The following RAG1 variants were observed in gnomAD, a reference collection of about 807,000 sequenced individuals.
RAG1 encodes recombination activating 1.
In RAG1, 35 loss-of-function variants were observed where a neutral mutation model predicts 62.7. That is an observed-to-expected ratio of 0.56 (90% CI 0.43 to 0.74). The LOEUF (loss-of-function observed/expected upper bound fraction) is 0.74, where lower values mean the gene tolerates loss of function less well. RAG1 is among the 30% of genes least tolerant of loss of function. RAG1 has a pLI of 0.00. For synonymous variants in RAG1, 461 were observed against 470.3 expected, an observed-to-expected ratio of 0.98 and a Z score of 0.26; for missense variants, 1,169 against 1,278.6, an observed-to-expected ratio of 0.91 and a Z score of 1.31.
At chr11:36,515,280 C>G (rs151291410) in intron 1 of RAG1, among the ~76,000 whole-genome samples, 1 of 150,938 alleles carries the variant, frequency 6.6e-6, no homozygotes, top group African/African-American at 2.4e-5. Context: ...AATTAAAAGG[C>G]GAAAGAGGAA....
rs1185288057 is a variant in RAG1, at chr11:36,575,899, T to C, written c.2595T>C (p.Thr865=). The C allele has an allele frequency of 3.1e-6, 5 of 1,614,010 alleles. No homozygotes were observed. Among genetic ancestry groups the C allele is most frequent in the Non-Finnish European group, 3.4e-6 (4 of 1,180,032 alleles). Residue 865 remains threonine (T), a synonymous_variant, in exon 2 of 2, where the codon ACT becomes ACC. Transcript: ENST00000299440. The surrounding 1 kb of genome is among the most constrained non-coding windows in gnomAD (Gnocchi z 4.1). ...NFARKLMTKE[T]VDAVCELIPS... is the part of the protein sequence containing the mutation. ...CCAGGAAGCTCATGACCAAAGAGAC[T>C]GTGGATGCAGTTTGTGAGTTAATTC...
chr11:36,557,601 G>C (rs1012088268), intron 3 of RAG1, among the ~76,000 whole-genome samples: 3 of 152,078 alleles, frequency 2.0e-5, no homozygotes, highest in Non-Finnish European at 4.4e-5. Context: ...GCTGTAGACC[G>C]GAGCTGTTCC....
Position 36,574,210 on chromosome 11 carries a change from C to A in RAG1, c.906C>A (p.Asp302Glu), listed in dbSNP as rs4151030. Reference sequence around the variant, plus strand: ...AGATCTGTGAACACATTCTGGCTGACCCTGTGGAGACCAACTGTAAGCATG... The same window carrying A: ...AGATCTGTGAACACATTCTGGCTGAACCTGTGGAGACCAACTGTAAGCATG... ...SCQICEHILA[D>E]PVETNCKHVF... Residue 302 changes from aspartate (D) to glutamate (E), a missense_variant, in exon 2 of 2, where the codon GAC (aspartate) becomes GAA (glutamate). Coordinates refer to ENST00000299440, the MANE Select transcript of RAG1 (RefSeq NM_000448.3). 6,890 of 1,614,148 alleles carry A rather than the reference C, an allele frequency of 4.3e-3. 236 individuals carry two copies. In the African/African-American group the frequency reaches 0.078, roughly 18 times the overall value.
chr11:36,573,498 T>A lies in RAG1; in HGVS notation c.194T>A (p.Val65Asp). Residue 65 changes from valine to aspartate, a missense_variant, in exon 2 of 2, where the codon GTC becomes GAC. Coordinates refer to ENST00000299440, the MANE Select transcript of RAG1 (RefSeq NM_000448.3). ...GKPSLEQSPAVLDKADGQKPV... is the reference protein window; with the variant it reads ...GKPSLEQSPADLDKADGQKPV... ...CCCTCTCTGGAGCAATCTCCAGCAG[T>A]CCTGGACAAGGCTGATGGTCAGAAG... The A allele has an allele frequency of 1.2e-6, 2 of 1,614,160 alleles. No individual in the cohort carries two copies. The highest frequency in any genetic ancestry group is 1.7e-6 in the Non-Finnish European group (2 of 1,180,020).
exon 2 of RAG1, chr11:36,520,192 G>T (rs1860056966): frequency 6.6e-6 from 1 of 152,178 alleles, no homozygotes; most frequent in Non-Finnish European, 1.5e-5. Flanking sequence ...TTGCAGTGGG[G>T]ACGATGAGAC....
At position 36,574,838 on chromosome 11, in the gene RAG1, G is replaced by C; in HGVS notation, c.1534G>C (p.Val512Leu). 1 of 1,614,228 alleles carries C rather than the reference G, an allele frequency of 6.2e-7. No individual in the cohort carries two copies. The highest frequency in any genetic ancestry group is 8.5e-7 in the Non-Finnish European group (1 of 1,180,048). ...PLHALRNAEKVLLPGYHHFEW... is the reference protein window; with the variant it reads ...PLHALRNAEKLLLPGYHHFEW... ...GCATGCCCTTCGGAATGCTGAGAAG[G>C]TACTTCTGCCAGGCTACCACCACTT... The change falls in exon 2 of 2, where the codon GTA (valine) becomes CTA (leucine). Residue 512 changes from valine to leucine, a missense_variant. By Grantham distance (32) the Val-to-Leu change is conservative. Transcript: ENST00000299440.
At position 36,575,493 on chromosome 11, in the gene RAG1, G is replaced by A; in HGVS notation, c.2189G>A (p.Cys730Tyr). Reference sequence around the variant, plus strand: ...GAGGCTTCTGGCTCAGTCTACATTTGTACTCTTTGTGATGCCACCCGTCTG... The same window carrying A: ...GAGGCTTCTGGCTCAGTCTACATTTATACTCTTTGTGATGCCACCCGTCTG... The part of the protein sequence containing the change: ...GLEASGSVYI[C>Y]TLCDATRLEA... Residue 730 changes from cysteine to tyrosine, a missense_variant, in exon 2 of 2, where the codon TGT (cysteine) becomes TAT (tyrosine). Cys to Tyr is a radical substitution (Grantham distance 194, BLOSUM62 -2). Around this residue, in one of 2 missense-constraint regions of RAG1, gnomAD observed 800 missense variants for 943.3 expected, o/e 0.85. Transcript: ENST00000299440. The surrounding 1 kb of genome is among the most constrained non-coding windows in gnomAD (Gnocchi z 4.1). The A allele has an allele frequency of 6.2e-7, 1 of 1,614,210 alleles. No individual in the cohort carries two copies. Among genetic ancestry groups the A allele is most frequent in the Non-Finnish European group, 8.5e-7 (1 of 1,180,042 alleles).
chr11:36,559,956 G>A (rs1307921865), intron 3 of RAG1, among the ~76,000 whole-genome samples: 1 of 152,090 alleles, frequency 6.6e-6, no homozygotes, highest in Non-Finnish European at 1.5e-5. Flanking sequence ...TCCTTTATTA[G>A]CATCTGTGCA....
chr11:36,541,445 C>A (rs1860416246), intron 3 of RAG1, among the ~76,000 whole-genome samples: 1 of 152,174 alleles, frequency 6.6e-6, no homozygotes, highest in Admixed American at 6.5e-5. Flanking sequence ...AATTGCATTT[C>A]CAATATTCTT....
At chr11:36,539,680 A>G (rs1161234065), downstream of RAG1, among the ~76,000 whole-genome samples, 1 of 152,050 alleles carries the variant, frequency 6.6e-6, no homozygotes, top group Non-Finnish European at 1.5e-5. Flanking sequence ...GTTTCACTAC[A>G]TTGGCCAGGC....
Position 36,528,761 on chromosome 11 carries a change from G to A in RAG1, n.429-7198G>A, listed in dbSNP as rs189247830. Among the ~76,000 whole-genome samples, 1,277 of 151,860 alleles carry A rather than the reference G, an allele frequency of 8.4e-3. 18 individuals carry two copies. The highest frequency in any genetic ancestry group is 0.029 in the African/African-American group (1,218 of 41,428). ...ATAGACCACTAGCAAGACTAATAAA[G>A]AAGAAAAGAGAGAAGAATCAAATAG... is the stretch of plus-strand genomic sequence containing the variant. On this transcript the variant is annotated intron_variant and non_coding_transcript_variant, in intron 2 of 2. Coordinates refer to the RAG1 transcript ENST00000529126.
At chr11:36,524,799 A>C (rs576532743) in intron 2 of RAG1, among the ~76,000 whole-genome samples, 1 of 152,246 alleles carries the variant, frequency 6.6e-6, no homozygotes, top group South Asian at 2.1e-4. Flanking sequence ...GCCTCAATGT[A>C]GTTTTAATTT....
At chr11:36,513,907 T>C (rs1859960470) in intron 1 of RAG1, among the ~76,000 whole-genome samples, 1 of 152,200 alleles carries the variant, frequency 6.6e-6, no homozygotes, top group Non-Finnish European at 1.5e-5. Context: ...TTAGGGGAGC[T>C]ACAATTCAAG....
chr11:36,571,105 A>G (rs1850733242), intron 1 of RAG1, among the ~76,000 whole-genome samples: 1 of 152,204 alleles, frequency 6.6e-6, no homozygotes, highest in Non-Finnish European at 1.5e-5. Context: ...AGATTTTGGT[A>G]TAGTAATGCA....
In RAG1 at chr11:36,574,838, G is replaced by A. The variant is rs752688023; in HGVS notation, c.1534G>A (p.Val512Ile). 1.9e-6 allele frequency: 3 copies of A among 1,614,110 alleles called. No homozygotes were observed. The highest frequency in any genetic ancestry group is 2.7e-5 in the African/African-American group (2 of 74,926). The change falls in exon 2 of 2, where the codon GTA becomes ATA. Residue 512 changes from valine (V) to isoleucine (I), a missense_variant. Around this residue, in one of 2 missense-constraint regions of RAG1, gnomAD observed 800 missense variants for 943.3 expected, o/e 0.85. Coordinates refer to ENST00000299440, the MANE Select transcript of RAG1 (RefSeq NM_000448.3). ...PLHALRNAEKVLLPGYHHFEW... is the reference protein window; with the variant it reads ...PLHALRNAEKILLPGYHHFEW... ...GCATGCCCTTCGGAATGCTGAGAAG[G>A]TACTTCTGCCAGGCTACCACCACTT...
At chr11:36,544,619 C>G (rs1850367677) in intron 3 of RAG1, among the ~76,000 whole-genome samples, 1 of 152,122 alleles carries the variant, frequency 6.6e-6, no homozygotes. Context: ...CTGCTTTTTC[C>G]CACTAACAAT....
downstream of RAG1, among the ~76,000 whole-genome samples, chr11:36,539,865 A>G (rs2133263273): frequency 6.6e-6 from 1 of 152,334 alleles, no homozygotes; most frequent in East Asian, 1.9e-4. Flanking sequence ...ACATTTGGGA[A>G]AGAAGAATTC....
At position 36,574,272 on chromosome 11, in the gene RAG1, T is replaced by A; in HGVS notation, c.968T>A (p.Val323Asp). Residue 323 changes from valine to aspartate, a missense_variant, in exon 2 of 2, where the codon GTC becomes GAC. Val to Asp is a radical substitution (Grantham distance 152). Around this residue, in one of 2 missense-constraint regions of RAG1, gnomAD observed 800 missense variants for 943.3 expected, o/e 0.85. Coordinates refer to ENST00000299440, the MANE Select transcript of RAG1 (RefSeq NM_000448.3). The part of the protein sequence containing the change: ...CRVCILRCLK[V>D]MGSYCPSCRY... ...GTCTGCATTCTCAGATGCCTCAAAG[T>A]CATGGGCAGCTATTGTCCCTCTTGC... 1 of 1,614,170 alleles carries A rather than the reference T, an allele frequency of 6.2e-7. No homozygotes were observed. The highest frequency in any genetic ancestry group is 8.5e-7 in the Non-Finnish European group (1 of 1,180,036).
downstream of RAG1, among the ~76,000 whole-genome samples, chr11:36,541,010 A>T (rs572950909): frequency 3.3e-5 from 5 of 152,168 alleles, no homozygotes; most frequent in Admixed American, 3.3e-4. Flanking sequence ...CCCAACAGAC[A>T]TGAGTATTTA....
Sources: gnomAD v4.1 joint callset for allele counts (sites outside exome capture counted in the v4.1 genomes callset) on GRCh38, gnomAD v4.1.1 for gene constraint, gnomAD v4.1.1 regional missense constraint, Gnocchi (gnomAD v3.1) non-coding constraint, MANE v1.5 for transcripts, NCBI Gene and HGNC (gene_info 2026-07-23, HGNC 2026-07-21) for gene names.